The following PPP2R5D variants were observed in gnomAD, a reference collection of about 807,000 sequenced individuals.
PPP2R5D encodes the protein protein phosphatase 2 regulatory subunit B'delta, also known as serine/threonine-protein phosphatase 2A 56 kDa regulatory subunit delta isoform.
In PPP2R5D, 12 loss-of-function variants were observed where a neutral mutation model predicts 79.1. That is an observed-to-expected ratio of 0.15 (90% confidence interval 0.10 to 0.25). The LOEUF is 0.25. Ranked by LOEUF, PPP2R5D falls within the 10% of genes least tolerant of loss-of-function variation. The probability of loss-of-function intolerance (pLI) is 1.00; values close to 1 mark genes in which losing one functional copy is unlikely to be tolerated. For synonymous variants in PPP2R5D, 277 were observed against 286.6 expected, an observed-to-expected ratio of 0.97 and a Z score of 0.34; for missense variants, 419 against 760.2, an observed-to-expected ratio of 0.55 and a Z score of 5.28.
chr6:42,985,279 C>A (rs1461403486), intron 1 of PPP2R5D, among the ~76,000 whole-genome samples: 2 of 152,218 alleles, frequency 1.3e-5, no homozygotes, highest in Non-Finnish European at 2.9e-5. Context: ...GTTCTTCCTT[C>A]ACACACAAAC....
intron 2 of PPP2R5D, among the ~76,000 whole-genome samples, chr6:43,004,043 G>C (rs1761924213): frequency 6.8e-6 from 1 of 147,262 alleles, no homozygotes; most frequent in South Asian, 2.2e-4. Context: ...TGAAGATGGA[G>C]TCTCGCTCTG....
chr6:43,006,679 G>A lies in PPP2R5D; in HGVS notation c.322G>A (p.Asp108Asn), dbSNP rs1349567425. The change falls in exon 3 of 16, where the codon GAT becomes AAT. Residue 108 changes from aspartate (D) to asparagine (N), a missense_variant and splice_region_variant. Asp to Asn is a conservative substitution (Grantham distance 23, BLOSUM62 1). Transcript: ENST00000485511. The surrounding 1 kb of genome is among the most constrained non-coding windows in gnomAD (Gnocchi z 4.7). ...RELQKLPALKDSPTQEREELF... is the reference protein window; with the variant it reads ...RELQKLPALKNSPTQEREELF... The stretch of plus-strand genomic sequence containing the variant: ...GCTGCAGAAGCTTCCTGCCCTGAAA[G>A]GTACTTGGCAATTGGTCACAGGGGC... 1 of 1,612,986 alleles carries A rather than the reference G, an allele frequency of 6.2e-7. No individual in the cohort carries two copies. The highest frequency in any genetic ancestry group is 8.5e-7 in the Non-Finnish European group (1 of 1,179,208).
Position 43,007,471 on chromosome 6 carries a change from G to T in PPP2R5D, c.691G>T (p.Ala231Ser), listed in dbSNP as rs1479382253. Residue 231 changes from alanine (A) to serine (S), a missense_variant, in exon 6 of 16, where the codon GCC becomes TCC. By Grantham distance (99) the Ala-to-Ser change is moderately conservative. Coordinates refer to ENST00000485511, the MANE Select transcript of PPP2R5D (RefSeq NM_006245.4). This position sits in a 1 kb window ranked among gnomAD's most constrained non-coding sequence, Gnocchi z 4.5. ...LESPDFQPNI[A>S]KKYIDQKFVL... is the part of the protein sequence containing the mutation. ...GTCTCCTGATTTCCAGCCAAACATA[G>T]CCAAGAAGTACATCGACCAGAAGTT... 1.2e-6 allele frequency: 2 copies of T among 1,613,664 alleles called. No homozygotes were observed. Among genetic ancestry groups the T allele is most frequent in the South Asian group, 2.2e-5 (2 of 91,072 alleles).
At position 43,008,166 on chromosome 6, in the gene PPP2R5D, AG is replaced by A. The variant is rs1246174857; in HGVS notation, c.858-31del. On this transcript the variant is annotated intron_variant, in intron 7 of 15. Coordinates refer to ENST00000485511, the MANE Select transcript of PPP2R5D (RefSeq NM_006245.4). This position sits in a 1 kb window ranked among gnomAD's most constrained non-coding sequence, Gnocchi z 4.2. The stretch of plus-strand genomic sequence containing the variant: ...CTGTACAGAATGCTGGAGGGACATC[AG>A]GGGTTGTCAAGAGAGCCATTTTTCT... 1 of 1,613,116 alleles carries A rather than the reference AG, an allele frequency of 6.2e-7. No individual in the cohort carries two copies.
Position 43,010,912 on chromosome 6 carries a change from C to G in PPP2R5D, c.1586C>G (p.Pro529Arg). 6.2e-7 allele frequency: 1 copy of G among 1,614,122 alleles called. No individual in the cohort carries two copies. Among genetic ancestry groups the G allele is most frequent in the Non-Finnish European group, 8.5e-7 (1 of 1,180,028 alleles). Reference protein sequence around the residue: ...YPMFRAPPPLPPVYSMETETP... With the variant: ...YPMFRAPPPLRPVYSMETETP... ...ATGTTCCGAGCCCCTCCACCACTGC[C>G]CCCTGTGTACTCGATGGAGACAGAG... The change falls in exon 15 of 16, where the codon CCC becomes CGC. Residue 529 changes from proline to arginine, a missense_variant. Physicochemically the swap from Pro to Arg is moderately radical, Grantham distance 103. Transcript: ENST00000485511. The surrounding 1 kb of genome is among the most constrained non-coding windows in gnomAD (Gnocchi z 4.7).
intron 2 of PPP2R5D, among the ~76,000 whole-genome samples, chr6:42,990,324 A>G (rs1369785842): frequency 1.3e-5 from 2 of 152,206 alleles, no homozygotes; most frequent in Non-Finnish European, 2.9e-5. Flanking sequence ...TCCTGTGAAC[A>G]TACACAGCGA....
Position 43,008,223 on chromosome 6 carries a change from C to T in PPP2R5D, c.880C>T (p.His294Tyr). ...FYRFIYETEH[H>Y]NGIAELLEIL... ...CAGGTTCATCTACGAGACGGAGCAT[C>T]ACAACGGGATTGCTGAGCTCCTGGA... The change falls in exon 8 of 16, where the codon CAC becomes TAC. Residue 294 changes from histidine (H) to tyrosine (Y), a missense_variant. Coordinates refer to ENST00000485511, the MANE Select transcript of PPP2R5D (RefSeq NM_006245.4). This position sits in a 1 kb window ranked among gnomAD's most constrained non-coding sequence, Gnocchi z 4.2. 1 of 1,614,166 alleles carries T rather than the reference C, an allele frequency of 6.2e-7. No homozygotes were observed. Among genetic ancestry groups the T allele is most frequent in the Middle Eastern group, 1.6e-4 (1 of 6,062 alleles).
At position 43,011,213 on chromosome 6, in the gene PPP2R5D, T is replaced by TGTACACCATCAA; in HGVS notation, c.1738_1749dup (p.Tyr580_Lys583dup). 6.2e-7 allele frequency: 1 copy of TGTACACCATCAA among 1,614,122 alleles called. No homozygotes were observed. The highest frequency in any genetic ancestry group is 8.5e-7 in the Non-Finnish European group (1 of 1,180,008). On this transcript the variant is annotated inframe_insertion, in exon 16 of 16. Coordinates refer to ENST00000485511, the MANE Select transcript of PPP2R5D (RefSeq NM_006245.4). ...AGGAAGTCGGAGCTGCCCCAGGACGTGTACACCATCAAGGCACTGGAGGCG... is the reference window on the plus strand; with the variant it reads ...AGGAAGTCGGAGCTGCCCCAGGACGTGTACACCATCAAGTACACCATCAAGGCACTGGAGGCG...
At chr6:43,003,775 C>G (rs1168296054) in intron 2 of PPP2R5D, among the ~76,000 whole-genome samples, 2 of 152,086 alleles carry the variant, frequency 1.3e-5, no homozygotes, top group Non-Finnish European at 2.9e-5. Context: ...CTCGCTGTCT[C>G]CCAGGCTGGA....
intron 1 of PPP2R5D, among the ~76,000 whole-genome samples, chr6:42,986,524 G>A (rs1185673120): frequency 2.6e-5 from 4 of 152,094 alleles, no homozygotes; most frequent in African/African-American, 4.8e-5. Flanking sequence ...GGTTGGTGAT[G>A]GTGTACTAGA....
chr6:42,985,670 T>C (rs761242207), intron 1 of PPP2R5D, among the ~76,000 whole-genome samples: 1 of 152,038 alleles, frequency 6.6e-6, no homozygotes, highest in Non-Finnish European at 1.5e-5. Context: ...CATCTTCAAA[T>C]TGGGAATTTG....
chr6:43,010,409 T>C lies in PPP2R5D; in HGVS notation c.1380-59T>C. ...TACCCCTGTGAGAGAACAAATTGGGTTCCTCACGCTAAGGGCAGGCTCTGG... is the reference window on the plus strand; with the variant it reads ...TACCCCTGTGAGAGAACAAATTGGGCTCCTCACGCTAAGGGCAGGCTCTGG... On this transcript the variant is annotated intron_variant, in intron 12 of 15. Coordinates refer to ENST00000485511, the MANE Select transcript of PPP2R5D (RefSeq NM_006245.4). The surrounding 1 kb of genome is among the most constrained non-coding windows in gnomAD (Gnocchi z 4.7). 7.0e-7 allele frequency: 1 copy of C among 1,426,970 alleles called. No individual in the cohort carries two copies. The highest frequency in any genetic ancestry group is 9.9e-7 in the Non-Finnish European group (1 of 1,012,616). The allele number at this position is 1,426,970 out of a possible 1,614,324, so 88.4% of individuals were successfully genotyped here.
Position 43,007,032 on chromosome 6 carries a change from A to T in PPP2R5D, c.444A>T (p.Gly148=). ...AATTCAAGGAGGTGAAGCGGGCAGGACTCAACGAGATGGTGGAGTACATCA... is the reference window on the plus strand; with the variant it reads ...AATTCAAGGAGGTGAAGCGGGCAGGTCTCAACGAGATGGTGGAGTACATCA... ...DLKFKEVKRA[G]LNEMVEYITH... The change falls in exon 4 of 16, where the codon GGA becomes GGT. Residue 148 remains glycine, a synonymous_variant. Transcript: ENST00000485511. This position sits in a 1 kb window ranked among gnomAD's most constrained non-coding sequence, Gnocchi z 4.5. 1.9e-6 allele frequency: 3 copies of T among 1,613,996 alleles called. No homozygotes were observed. Among genetic ancestry groups the T allele is most frequent in the African/African-American group, 1.3e-5 (1 of 74,974 alleles).
intron 2 of PPP2R5D, among the ~76,000 whole-genome samples, chr6:43,005,732 C>CA (rs1561848742): frequency 6.6e-6 from 1 of 152,090 alleles, no homozygotes; most frequent in Non-Finnish European, 1.5e-5. Flanking sequence ...AGCGATTCTC[C>CA]TGCCTCAGCC....
At position 43,009,337 on chromosome 6, in the gene PPP2R5D, C is replaced by T. The variant is rs756805489; in HGVS notation, c.1267C>T (p.Leu423Phe). Residue 423 changes from leucine to phenylalanine, a missense_variant, in exon 12 of 16, where the codon CTC (leucine) becomes TTC (phenylalanine). Coordinates refer to ENST00000485511, the MANE Select transcript of PPP2R5D (RefSeq NM_006245.4). This position sits in a 1 kb window ranked among gnomAD's most constrained non-coding sequence, Gnocchi z 5.6. The stretch of plus-strand genomic sequence containing the variant: ...TCCCCACCAGGTGGCAGAGCGTGCT[C>T]TCTATTACTGGAACAATGAGTACAT... ...SPHFQVAERALYYWNNEYIMS... is the reference protein window; with the variant it reads ...SPHFQVAERAFYYWNNEYIMS... 2 of 1,614,082 alleles carry T rather than the reference C, an allele frequency of 1.2e-6. No homozygotes were observed. The highest frequency in any genetic ancestry group is 1.7e-6 in the Non-Finnish European group (2 of 1,180,012).
At chr6:43,005,804 T>C (rs1762041678) in intron 2 of PPP2R5D, among the ~76,000 whole-genome samples, 1 of 152,110 alleles carries the variant, frequency 6.6e-6, no homozygotes, top group African/African-American at 2.4e-5. Context: ...GTATTTTTAG[T>C]AGAGATGGGG....
chr6:43,005,232 T>C (rs1397204940), intron 2 of PPP2R5D, among the ~76,000 whole-genome samples: 1 of 151,842 alleles, frequency 6.6e-6, no homozygotes, highest in African/African-American at 2.4e-5. Context: ...GCTAAATTTC[T>C]AGTAAAGTCC....
chr6:43,007,270 T>C lies in PPP2R5D; in HGVS notation c.597T>C (p.Asp199=). The change falls in exon 5 of 16, where the codon GAT becomes GAC. Residue 199 remains aspartate, a synonymous_variant. Coordinates refer to ENST00000485511, the MANE Select transcript of PPP2R5D (RefSeq NM_006245.4). This position sits in a 1 kb window ranked among gnomAD's most constrained non-coding sequence, Gnocchi z 4.5. ...PTGAEFDPEE[D]EPTLEAAWPH... Reference sequence around the variant, plus strand: ...GGGCTGAGTTTGACCCAGAGGAAGATGAGCCCACCCTGGAAGCTGCTTGGC... The same window carrying C: ...GGGCTGAGTTTGACCCAGAGGAAGACGAGCCCACCCTGGAAGCTGCTTGGC... The C allele has an allele frequency of 6.2e-7, 1 of 1,614,160 alleles. No individual in the cohort carries two copies. The highest frequency in any genetic ancestry group is 8.5e-7 in the Non-Finnish European group (1 of 1,180,022).
At chr6:42,984,991 C>T (rs1581788793) in intron 1 of PPP2R5D, among the ~76,000 whole-genome samples, 1 of 151,916 alleles carries the variant, frequency 6.6e-6, no homozygotes, top group East Asian at 2.0e-4. Flanking sequence ...CAGATCTGCC[C>T]CATTCCCAGG....
Sources: allele counts gnomAD v4.1 joint callset (sites outside exome capture counted in the v4.1 genomes callset), GRCh38; gene constraint gnomAD v4.1.1; non-coding constraint Gnocchi (gnomAD v3.1); transcripts MANE v1.5; gene names NCBI Gene and HGNC (gene_info 2026-07-23, HGNC 2026-07-21).